The following RXRA variants were observed in gnomAD, a reference collection of about 807,000 sequenced individuals.
RXRA encodes the protein retinoid X receptor alpha.
RXRA carries 5 observed loss-of-function variants against 44.5 expected under a neutral mutation model. The observed-to-expected ratio is 0.11, with a 90% CI of 0.06 to 0.24. The LOEUF (loss-of-function observed/expected upper bound fraction) is 0.24, where lower values mean the gene tolerates loss of function less well. Among genes scored for constraint, RXRA ranks in the 10% least tolerant of loss-of-function variants. The pLI is 1.00. For missense variants in RXRA, 412 were observed against 646.5 expected (o/e 0.64, Z 3.93); for synonymous variants, 291 against 271.4 (o/e 1.07, Z -0.71).
In RXRA at chr9:134,389,313, G is replaced by T. The variant is rs187033681; in HGVS notation, c.29-12319G>T. Among the ~76,000 whole-genome samples the T allele has an allele frequency of 2.0e-5, 3 of 152,320 alleles. No homozygotes were observed. In the East Asian group the frequency reaches 5.8e-4, roughly 29 times the overall value. Reference sequence around the variant, plus strand: ...GGTCACCCCCGGGGGGTTGCTCGTGGGATCCAGAGAAGTGGACGTTGGTGA... The same window carrying T: ...GGTCACCCCCGGGGGGTTGCTCGTGTGATCCAGAGAAGTGGACGTTGGTGA... On this transcript the variant is annotated intron_variant, in intron 1 of 9. Transcript: ENST00000481739.
chr9:134,408,201 T>A lies in RXRA; in HGVS notation c.332T>A (p.Leu111Gln). The change falls in exon 3 of 10, where the codon CTG becomes CAG. Residue 111 changes from leucine (L) to glutamine (Q), a missense_variant. By Grantham distance (113) the Leu-to-Gln change is moderately radical. Coordinates refer to ENST00000481739, the MANE Select transcript of RXRA (RefSeq NM_002957.6). ...VSSSEDIKPP[L>Q]GLNGVLKVPA... Reference sequence around the variant, plus strand: ...AGCAGCGAGGACATCAAGCCCCCCCTGGGCCTCAATGGCGTCCTCAAGGTC... The same window carrying A: ...AGCAGCGAGGACATCAAGCCCCCCCAGGGCCTCAATGGCGTCCTCAAGGTC... 6.2e-7 allele frequency: 1 copy of A among 1,608,006 alleles called. No individual in the cohort carries two copies. Among genetic ancestry groups the A allele is most frequent in the Non-Finnish European group, 8.5e-7 (1 of 1,176,916 alleles).
At chr9:134,401,144 C>T (rs1321854753) in intron 1 of RXRA, among the ~76,000 whole-genome samples, 3 of 152,260 alleles carry the variant, frequency 2.0e-5, no homozygotes, top group Middle Eastern at 3.2e-3. Flanking sequence ...AATTTACCCA[C>T]GCTCAGAACT....
intron 1 of RXRA, among the ~76,000 whole-genome samples, chr9:134,382,279 G>A (rs1222919626): frequency 6.6e-6 from 1 of 152,002 alleles, no homozygotes; most frequent in Admixed American, 6.5e-5. Flanking sequence ...GTGTGTGTGT[G>A]TGTGTGTGTG....
At chr9:134,327,193 G>A (rs1834929663) in intron 1 of RXRA, among the ~76,000 whole-genome samples, 2 of 152,112 alleles carry the variant, frequency 1.3e-5, no homozygotes, top group Admixed American at 1.3e-4. Context: ...GCCCACGCCC[G>A]GGTGGGCAGG....
intron 1 of RXRA, among the ~76,000 whole-genome samples, chr9:134,337,725 C>T (rs1830027925): frequency 6.6e-6 from 1 of 152,160 alleles, no homozygotes; most frequent in Admixed American, 6.5e-5. Context: ...TGTGTCTTCA[C>T]TTTGCGTCGT....
At chr9:134,373,488 G>T (rs1415044220) in intron 1 of RXRA, among the ~76,000 whole-genome samples, 6 of 152,274 alleles carry the variant, frequency 3.9e-5, no homozygotes, top group African/African-American at 9.6e-5. Context: ...CAGAGAAGCA[G>T]CATTGTGTGC....
intron 1 of RXRA, among the ~76,000 whole-genome samples, chr9:134,383,768 C>T (rs906308587): frequency 2.6e-5 from 4 of 152,124 alleles, no homozygotes; most frequent in Non-Finnish European, 1.5e-5. Flanking sequence ...GGTAGGTGGG[C>T]TGTGATCCTC....
At chr9:134,435,116 G>T (rs537864427) in intron 9 of RXRA, among the ~76,000 whole-genome samples, 16 of 152,306 alleles carry the variant, frequency 1.1e-4, no homozygotes, top group African/African-American at 3.6e-4. Context: ...TCCAGCCTCT[G>T]CGCTGTTTTT....
intron 1 of RXRA, among the ~76,000 whole-genome samples, chr9:134,336,317 G>A (rs1268984992): frequency 1.3e-5 from 2 of 152,194 alleles, no homozygotes; most frequent in African/African-American, 4.8e-5. Flanking sequence ...CCTGAGGCTG[G>A]GATCACAGGG....
chr9:134,411,510 G>T (rs916791832), intron 4 of RXRA, among the ~76,000 whole-genome samples: 7 of 152,202 alleles, frequency 4.6e-5, no homozygotes. Flanking sequence ...CCGTGGGGAG[G>T]TCTAAGGGCC....
intron 5 of RXRA, among the ~76,000 whole-genome samples, chr9:134,418,670 C>T (rs772456121): frequency 1.3e-5 from 2 of 152,192 alleles, no homozygotes; most frequent in African/African-American, 4.8e-5. Flanking sequence ...TGGGGACTGC[C>T]CCTGTGATGT....
chr9:134,352,007 C>T (rs1321687261), intron 1 of RXRA, among the ~76,000 whole-genome samples: 2 of 152,184 alleles, frequency 1.3e-5, no homozygotes, highest in Admixed American at 6.5e-5. Context: ...ACCAAGTTTG[C>T]CTGCATGGGT....
intron 1 of RXRA, among the ~76,000 whole-genome samples, chr9:134,350,209 G>A (rs1830205012): frequency 6.6e-6 from 1 of 152,122 alleles, no homozygotes; most frequent in Non-Finnish European, 1.5e-5. Context: ...AGGGCAGGAT[G>A]TATGGAAACC....
intron 1 of RXRA, chr9:134,379,360 G>A: frequency 1.0e-6 from 1 of 987,518 alleles, no homozygotes; most frequent in Non-Finnish European, 1.2e-6. Flanking sequence ...ACAGTGGGAG[G>A]GGAGGCTGGC....
intron 4 of RXRA, among the ~76,000 whole-genome samples, chr9:134,410,565 G>A (rs943580548): frequency 6.6e-6 from 1 of 152,256 alleles, no homozygotes; most frequent in African/African-American, 2.4e-5. Context: ...AGGGAGGCTT[G>A]CTGTGGTGGC....
chr9:134,333,199 C>T (rs901472032), intron 1 of RXRA, among the ~76,000 whole-genome samples: 2 of 152,178 alleles, frequency 1.3e-5, no homozygotes, highest in East Asian at 3.8e-4. Flanking sequence ...CTCAGGGTCT[C>T]TGTGTGAGAA....
At chr9:134,399,167 G>T (rs1001835309) in intron 1 of RXRA, among the ~76,000 whole-genome samples, 1 of 152,238 alleles carries the variant, frequency 6.6e-6, no homozygotes, top group African/African-American at 2.4e-5. Context: ...TCCGGCAGGG[G>T]TCAGCTGAAG....
chr9:134,411,962 C>T lies in RXRA; in HGVS notation c.610+2843C>T, dbSNP rs78418943. On this transcript the variant is annotated intron_variant, in intron 4 of 9. Coordinates refer to ENST00000481739, the MANE Select transcript of RXRA (RefSeq NM_002957.6). ...AGGCACTCGCCCTGCAGGGACCCCA[C>T]GTGGAAACGGTGGCTGGGAGGGCTT... Among the ~76,000 whole-genome samples, 19 of 152,264 alleles carry T rather than the reference C, an allele frequency of 1.2e-4. No individual in the cohort carries two copies. In the South Asian group the frequency reaches 2.7e-3, roughly 22 times the overall value.
At chr9:134,398,485 C>T (rs1269061992) in intron 1 of RXRA, among the ~76,000 whole-genome samples, 1 of 152,080 alleles carries the variant, frequency 6.6e-6, no homozygotes, top group Non-Finnish European at 1.5e-5. Flanking sequence ...CCAGAAAACA[C>T]ACCCAGCCTA....
Sources: gnomAD v4.1 joint callset for allele counts (sites outside exome capture counted in the v4.1 genomes callset) on GRCh38, gnomAD v4.1.1 for gene constraint, MANE v1.5 for transcripts, NCBI Gene and HGNC (gene_info 2026-07-23, HGNC 2026-07-21) for gene names.